The following MYH11 variants were observed in gnomAD, a reference collection of about 807,000 sequenced individuals.
The protein encoded by MYH11 is myosin-11.
MYH11 carries 80 observed loss-of-function variants against 246.6 expected under a neutral mutation model. The observed-to-expected ratio is 0.32, with a 90% CI of 0.27 to 0.39. The LOEUF is 0.39. MYH11 is among the 10% of genes least tolerant of loss of function. The probability of loss-of-function intolerance (pLI) is 1.00; values close to 1 mark genes in which losing one functional copy is unlikely to be tolerated. For synonymous variants in MYH11, 1,071 were observed against 1,015.5 expected (o/e 1.05, Z -1.04); for missense variants, 2,158 against 2,546.8 (o/e 0.85, Z 3.29).
Position 15,732,659 on chromosome 16 carries a change from C to G in MYH11, c.3556G>C (p.Glu1186Gln), listed in dbSNP as rs1453043166. 6.2e-7 allele frequency: 1 copy of G among 1,614,144 alleles called. No individual in the cohort carries two copies. The highest frequency in any genetic ancestry group is 8.5e-7 in the Non-Finnish European group (1 of 1,180,064). The change falls in exon 27 of 41, where the codon GAG (glutamate) becomes CAG (glutamine). Residue 1186 changes from glutamate to glutamine, a missense_variant. Around this residue, in one of 11 missense-constraint regions of MYH11, gnomAD observed 34 missense variants for 70.4 expected, o/e 0.48. Transcript: ENST00000300036. Reference protein sequence around the residue: ...VTVLKKALDEETRSHEAQVQE... With the variant: ...VTVLKKALDEQTRSHEAQVQE... ...ACCTGAGCCTCATGGGACCGCGTCT[C>G]TTCATCCAGGGCCTTCTTCAGCACC...
intron 1 of MYH11, among the ~76,000 whole-genome samples, chr16:15,850,614 G>GGCCT (rs1798833030): frequency 1.3e-5 from 2 of 152,074 alleles, no homozygotes; most frequent in South Asian, 4.1e-4. Context: ...ATACCATGCA[G>GGCCT]GGTTCAGCAC....
chr16:15,779,962 A>G (rs900055280), intron 6 of MYH11, among the ~76,000 whole-genome samples: 1 of 152,200 alleles, frequency 6.6e-6, no homozygotes, highest in Non-Finnish European at 1.5e-5. Flanking sequence ...AAAACCTTCA[A>G]ACTTTCCCCA....
intron 4 of MYH11, among the ~76,000 whole-genome samples, chr16:15,797,548 T>TAA (rs1160536575): frequency 2.7e-5 from 4 of 148,214 alleles, no homozygotes; most frequent in Admixed American, 1.4e-4. Flanking sequence ...AATATATATA[T>TAA]ATATAAATAT....
chr16:15,704,993 A>T (rs1191221923), intron 40 of MYH11, among the ~76,000 whole-genome samples: 1 of 151,924 alleles, frequency 6.6e-6, no homozygotes, highest in Non-Finnish European at 1.5e-5. Flanking sequence ...AGGTGGATTT[A>T]AAAAAGAAAT....
At chr16:15,811,147 G>A (rs903925320) in intron 3 of MYH11, among the ~76,000 whole-genome samples, 5 of 152,134 alleles carry the variant, frequency 3.3e-5, no homozygotes, top group Non-Finnish European at 5.9e-5. Context: ...GAGACACAGC[G>A]AGAAGGCAGC....
intron 1 of MYH11, among the ~76,000 whole-genome samples, chr16:15,847,522 G>A (rs886086838): frequency 3.9e-5 from 6 of 152,174 alleles, no homozygotes; most frequent in Non-Finnish European, 8.8e-5. Context: ...CCAAAGTGCT[G>A]GGATTACAGG....
chr16:15,711,096 G>GA (rs1555548803), intron 40 of MYH11: 1 of 152,234 alleles, frequency 6.6e-6, no homozygotes, highest in Non-Finnish European at 1.5e-5. Context: ...ATCCATGGGG[G>GA]ACCAACAAGC....
In MYH11 at chr16:15,724,380, G is replaced by A. The variant is rs761097049; in HGVS notation, c.4146C>T (p.Asp1382=). 3 of 1,613,972 alleles carry A rather than the reference G, an allele frequency of 1.9e-6. No individual in the cohort carries two copies. Among genetic ancestry groups the A allele is most frequent in the East Asian group, 2.2e-5 (1 of 44,888 alleles). ...CCAGAGCTTCCACGGTGCTGGCAAAGTCCTGCAGCTTCTTCTTCGAGTCGG... is the reference window on the plus strand; with the variant it reads ...CCAGAGCTTCCACGGTGCTGGCAAAATCCTGCAGCTTCTTCTTCGAGTCGG... ...QLSDSKKKLQ[D]FASTVEALEE... The change falls in exon 31 of 41, where the codon GAC becomes GAT. Residue 1382 remains aspartate (D), a synonymous_variant. Coordinates refer to ENST00000300036, the MANE Select transcript of MYH11 (RefSeq NM_002474.3).
At chr16:15,823,754 T>C (rs2043480826) in intron 2 of MYH11, among the ~76,000 whole-genome samples, 1 of 152,102 alleles carries the variant, frequency 6.6e-6, no homozygotes, top group Admixed American at 6.6e-5. Flanking sequence ...GCCTCCTGAG[T>C]AGCCAGGACT....
intron 28 of MYH11, 56 bp from the exon 29 acceptor site, chr16:15,725,048 AAGG>A: frequency 1.3e-6 from 2 of 1,482,684 alleles, no homozygotes; most frequent in Non-Finnish European, 1.9e-6. Flanking sequence ...TCCTCGTTGA[AAGG>A]AGCCCTTTTT....
intron 9 of MYH11, among the ~76,000 whole-genome samples, chr16:15,767,244 GGATA>G (rs1338977064): frequency 6.6e-6 from 1 of 152,084 alleles, no homozygotes; most frequent in Non-Finnish European, 1.5e-5. Flanking sequence ...GATGAATAGA[GGATA>G]GAGACTCTAC....
Position 15,719,239 on chromosome 16 carries a change from C to T in MYH11, c.5152G>A (p.Ala1718Thr). The change falls in exon 36 of 41, where the codon GCC becomes ACC. Residue 1718 changes from alanine (A) to threonine (T), a missense_variant. By Grantham distance (58) the Ala-to-Thr change is moderately conservative. This residue lies in a region of MYH11 where 1,013 missense variants were observed against 993.5 expected (regional missense o/e 1.02). Transcript: ENST00000300036. Reference protein sequence around the residue: ...LEKEELAEELASSLSGRNALQ... With the variant: ...LEKEELAEELTSSLSGRNALQ... ...TCCTACCTTCCCGACAGGCTACTGGCCAGCTCCTCTGCCAGTTCCTCCTTC... is the reference window on the plus strand; with the variant it reads ...TCCTACCTTCCCGACAGGCTACTGGTCAGCTCCTCTGCCAGTTCCTCCTTC... 6.2e-7 allele frequency: 1 copy of T among 1,613,738 alleles called. No individual in the cohort carries two copies. The highest frequency in any genetic ancestry group is 8.5e-7 in the Non-Finnish European group (1 of 1,180,048).
intron 1 of MYH11, among the ~76,000 whole-genome samples, chr16:15,846,476 G>T (rs919077408): frequency 1.3e-5 from 2 of 152,174 alleles, no homozygotes; most frequent in Non-Finnish European, 2.9e-5. Context: ...AGGACAGAAC[G>T]TGAGGGGGGC....
chr16:15,762,257 G>A (rs1335114863), intron 10 of MYH11, among the ~76,000 whole-genome samples: 1 of 152,216 alleles, frequency 6.6e-6, no homozygotes, highest in Non-Finnish European at 1.5e-5. Flanking sequence ...TTACAGGCAT[G>A]AGCCACCACG....
intron 5 of MYH11, chr16:15,785,008 ATTTTTTTTTT>A: frequency 1.1e-5 from 1 of 95,232 alleles, no homozygotes; most frequent in Non-Finnish European, 1.8e-5. Context: ...AATTCTCTTG[ATTTTTTTTTT>A]TTTTTTTTTT....
chr16:15,735,310 C>T, intron 26 of MYH11, 56 bp downstream of exon 26: 2 of 1,581,488 alleles, frequency 1.3e-6, no homozygotes, highest in East Asian at 2.2e-5. Flanking sequence ...CCTCTTCTGC[C>T]CCCATCCCAT....
At chr16:15,771,498 G>A in intron 9 of MYH11, 71 bp downstream of exon 9, 1 of 1,524,990 alleles carries the variant, frequency 6.6e-7, no homozygotes, top group South Asian at 1.1e-5. Context: ...GTCCTGACCA[G>A]AGAAGAGTTC....
chr16:15,717,112 C>T (rs746624942), intron 38 of MYH11, 28 bp downstream of exon 38: 4 of 1,612,278 alleles, frequency 2.5e-6, no homozygotes, highest in Admixed American at 1.7e-5. Context: ...CCCCTGCAAA[C>T]TGGGTTCGGA....
At chr16:15,735,252 G>T in intron 26 of MYH11, 114 bp downstream of exon 26, 1 of 1,142,740 alleles carries the variant, frequency 8.8e-7, no homozygotes, top group African/African-American at 1.5e-5. Context: ...CCGCGGCCAG[G>T]AAGGTAAATG....
Sources: allele counts gnomAD v4.1 joint callset (sites outside exome capture counted in the v4.1 genomes callset), GRCh38; gene constraint gnomAD v4.1.1; regional missense constraint gnomAD v4.1.1; transcripts MANE v1.5; gene names NCBI Gene and HGNC (gene_info 2026-07-23, HGNC 2026-07-21).